Variants in CFAP77 observed in about 807,000 individuals in gnomAD.
CFAP77 encodes cilia- and flagella-associated protein 77.
Under a neutral mutation model 31.1 loss-of-function variants are expected in CFAP77, and 25 were observed. The ratio of observed to expected loss-of-function variants is 0.80; its 90% CI spans 0.59 to 1.12. The LOEUF is 1.12. Ranked by LOEUF, CFAP77 falls within the 50% of genes most tolerant of loss-of-function variation. The probability of loss-of-function intolerance (pLI) is 0.00; values close to 1 mark genes in which losing one functional copy is unlikely to be tolerated. For missense variants in CFAP77, 377 were observed against 397.3 expected, an observed-to-expected ratio of 0.95 and a Z score of 0.44; for synonymous variants, 151 against 159.9, an observed-to-expected ratio of 0.94 and a Z score of 0.42.
chr9:132,456,956 G>A (rs1850927703), intron 1 of CFAP77, among the ~76,000 whole-genome samples: 1 of 151,944 alleles, frequency 6.6e-6, no homozygotes, highest in African/African-American at 2.4e-5. Context: ...TGTTGCTCAG[G>A]CTGGTCTTGA....
Position 132,435,076 on chromosome 9 carries a change from C to T in CFAP77, c.195+24610C>T, listed in dbSNP as rs1030463004. Among the ~76,000 whole-genome samples, 19 of 152,256 alleles carry T rather than the reference C, an allele frequency of 1.2e-4. 1 individual carries two copies. The South Asian group carries it at 2.7e-3, about 22-fold the overall frequency. ...TGGACTCAAGTGGATCCCTTTCTTC[C>T]GCCGCCTTGGAGGTGGTGTTGTGGG... On this transcript the variant is annotated intron_variant, in intron 1 of 5. Coordinates refer to ENST00000393216, the MANE Select transcript of CFAP77 (RefSeq NM_001282957.2).
At chr9:132,557,945 G>C (rs748662273) in intron 5 of CFAP77, among the ~76,000 whole-genome samples, 1 of 152,174 alleles carries the variant, frequency 6.6e-6, no homozygotes, top group Admixed American at 6.5e-5. Flanking sequence ...ACTCCATGTT[G>C]ATCTTTTAGA....
chr9:132,561,604 T>TACACACACAC (rs61039438), intron 5 of CFAP77, among the ~76,000 whole-genome samples: 36 of 111,578 alleles, frequency 3.2e-4, no homozygotes, highest in Admixed American at 5.6e-4. Context: ...GAGGTGCATG[T>TACACACACAC]ACACACACAC....
intron 4 of CFAP77, among the ~76,000 whole-genome samples, chr9:132,542,571 A>C (rs983895567): frequency 6.6e-6 from 1 of 152,222 alleles, no homozygotes; most frequent in Non-Finnish European, 1.5e-5. Context: ...GCACTTCTTC[A>C]TCCAAACACC....
intron 1 of CFAP77, among the ~76,000 whole-genome samples, chr9:132,429,399 G>C (rs1014336421): frequency 6.6e-6 from 1 of 151,520 alleles, no homozygotes; most frequent in Non-Finnish European, 1.5e-5. Context: ...ATTAGCCAGG[G>C]GTGGTGGCGG....
At chr9:132,507,422 A>AT (rs1851950536) in intron 3 of CFAP77, among the ~76,000 whole-genome samples, 1 of 152,228 alleles carries the variant, frequency 6.6e-6, no homozygotes, top group South Asian at 2.1e-4. Context: ...CCATGGAAAC[A>AT]TAAGAAACAT....
chr9:132,559,238 G>A (rs1431038978), intron 5 of CFAP77, among the ~76,000 whole-genome samples: 6 of 150,108 alleles, frequency 4.0e-5, no homozygotes, highest in East Asian at 2.0e-4. Flanking sequence ...CCAGCTACTC[G>A]GGAGGCCGAG....
rs112977513 is a variant in CFAP77, at chr9:132,458,352, G to T, written c.196-40343G>T. ...CCTTTGTCTCCCTGGCGGGGGAGGGGGGGGGGTGTGTATGGAAGGCTCAGC... is the reference window on the plus strand; with the variant it reads ...CCTTTGTCTCCCTGGCGGGGGAGGGTGGGGGGTGTGTATGGAAGGCTCAGC... On this transcript the variant is annotated intron_variant, in intron 1 of 5. Coordinates refer to ENST00000393216, the MANE Select transcript of CFAP77 (RefSeq NM_001282957.2). Among the ~76,000 whole-genome samples the T allele has an allele frequency of 6.1e-5, 6 of 98,636 alleles. 1 individual carries two copies. Among genetic ancestry groups the T allele is most frequent in the African/African-American group, 2.1e-4 (6 of 28,460 alleles). The allele number at this position is 98,636 out of a possible 152,430, so 64.7% of individuals were successfully genotyped here.
chr9:132,416,301 G>A (rs1850094489), intron 1 of CFAP77, among the ~76,000 whole-genome samples: 1 of 144,574 alleles, frequency 6.9e-6, no homozygotes, highest in Non-Finnish European at 1.5e-5. Flanking sequence ...CTGTTGATAT[G>A]CTATAACTGT....
intron 5 of CFAP77, among the ~76,000 whole-genome samples, chr9:132,550,239 C>T (rs1031478704): frequency 2.0e-5 from 3 of 152,218 alleles, no homozygotes; most frequent in Non-Finnish European, 2.9e-5. Flanking sequence ...GGTTCTTCTC[C>T]CTGATTATAT....
rs184180897 is a variant in CFAP77, at chr9:132,529,598, G to A, written c.525-8003G>A. On this transcript the variant is annotated intron_variant, in intron 3 of 5. Coordinates refer to ENST00000393216, the MANE Select transcript of CFAP77 (RefSeq NM_001282957.2). ...TCCCAGCATTTTGGGAGGCCGAGGC[G>A]GACGGATCACGAGGTCAGGAGATCG... is the stretch of plus-strand genomic sequence containing the variant. Among the ~76,000 whole-genome samples the A allele has an allele frequency of 5.0e-3, 759 of 151,490 alleles. 2 individuals carry two copies. The highest frequency in any genetic ancestry group is 8.1e-3 in the Non-Finnish European group (553 of 67,868).
intron 5 of CFAP77, among the ~76,000 whole-genome samples, chr9:132,547,755 G>T (rs1255562027): frequency 6.6e-6 from 1 of 152,326 alleles, no homozygotes; most frequent in Admixed American, 6.5e-5. Context: ...AACCTTGCTT[G>T]AAGGGCGGAA....
At chr9:132,560,468 C>G (rs1322168103) in intron 5 of CFAP77, among the ~76,000 whole-genome samples, 1 of 152,258 alleles carries the variant, frequency 6.6e-6, no homozygotes, top group Non-Finnish European at 1.5e-5. Flanking sequence ...GTCTAGCAAA[C>G]AGCTTCATTG....
chr9:132,488,191 A>T (rs778404580), intron 1 of CFAP77, among the ~76,000 whole-genome samples: 3 of 152,114 alleles, frequency 2.0e-5, no homozygotes, highest in African/African-American at 4.8e-5. Flanking sequence ...GTGGGGAGTG[A>T]TTGATTCCTT....
intron 1 of CFAP77, among the ~76,000 whole-genome samples, chr9:132,479,302 C>T (rs994437380): frequency 2.6e-5 from 4 of 152,136 alleles, no homozygotes; most frequent in African/African-American, 9.7e-5. Context: ...CCCTGGGTAC[C>T]CTCAGGGAGC....
At position 132,410,462 on chromosome 9, in the gene CFAP77, T is replaced by G. The variant is rs1230107911; in HGVS notation, c.191T>G (p.Val64Gly). The change falls in exon 1 of 6, where the codon GTC (valine) becomes GGC (glycine). Residue 64 changes from valine to glycine, a missense_variant. Transcript: ENST00000393216. ...TCCATGTTTCAGAACCCTCTCATCG[T>G]CAAGGTGAGCACCCCACGCCCACCG... ...RDSMFQNPLI[V>G]KAELGKPRER... is the part of the protein sequence containing the mutation. 1.3e-6 allele frequency: 2 copies of G among 1,580,896 alleles called. No homozygotes were observed. Among genetic ancestry groups the G allele is most frequent in the Middle Eastern group, 1.7e-4 (1 of 5,920 alleles).
chr9:132,522,073 T>A (rs1852278427), intron 3 of CFAP77, among the ~76,000 whole-genome samples: 1 of 152,092 alleles, frequency 6.6e-6, no homozygotes, highest in African/African-American at 2.4e-5. Flanking sequence ...CAGACTTGCA[T>A]TTTTTTAAAA....
chr9:132,427,605 ACT>A (rs1301012217), intron 1 of CFAP77, among the ~76,000 whole-genome samples: 3 of 151,840 alleles, frequency 2.0e-5, no homozygotes, highest in Non-Finnish European at 2.9e-5. Flanking sequence ...ACAGAGTGAG[ACT>A]CTGTCTCAAA....
chr9:132,481,716 G>A lies in CFAP77; in HGVS notation c.196-16979G>A, dbSNP rs984053286. ...TGAAGAGCCGCCGCTTCCTCTCCCAGCCGACCCCAGCCTTATTAACAGGCT... is the reference window on the plus strand; with the variant it reads ...TGAAGAGCCGCCGCTTCCTCTCCCAACCGACCCCAGCCTTATTAACAGGCT... On this transcript the variant is annotated intron_variant, in intron 1 of 5. Transcript: ENST00000393216. This position sits in a 1 kb window ranked among gnomAD's most constrained non-coding sequence, Gnocchi z 5.0. 7.9e-5 allele frequency among the ~76,000 whole-genome samples: 12 copies of A among 152,274 alleles called. No homozygotes were observed. Among genetic ancestry groups the A allele is most frequent in the African/African-American group, 2.9e-4 (12 of 41,562 alleles).
Sources: allele counts gnomAD v4.1 joint callset (sites outside exome capture counted in the v4.1 genomes callset), GRCh38; gene constraint gnomAD v4.1.1; non-coding constraint Gnocchi (gnomAD v3.1); transcripts MANE v1.5; gene names NCBI Gene and HGNC (gene_info 2026-07-23, HGNC 2026-07-21).